MECOM: variants seen among roughly 807,000 people sequenced by gnomAD.
The protein encoded by MECOM is MDS1 and EVI1 complex locus, also known as histone-lysine N-methyltransferase MECOM.
MECOM carries 13 observed loss-of-function variants against 116.3 expected under a neutral mutation model. That is an observed-to-expected ratio of 0.11 (90% CI 0.07 to 0.18). MECOM has a LOEUF of 0.18. MECOM is among the 10% of genes least tolerant of loss of function. The pLI, the probability that MECOM is intolerant of heterozygous loss-of-function variation, is 1.00. For synonymous variants in MECOM, 528 were observed against 535.2 expected, an observed-to-expected ratio of 0.99 and a Z score of 0.19; for missense variants, 1,299 against 1,509.0, an observed-to-expected ratio of 0.86 and a Z score of 2.31.
intron 2 of MECOM, among the ~76,000 whole-genome samples, chr3:169,312,995 T>C (rs1719089775): frequency 6.6e-6 from 1 of 152,206 alleles, no homozygotes; most frequent in Non-Finnish European, 1.5e-5. Flanking sequence ...ACTGAGCATC[T>C]GGGTGCTCCA....
At chr3:169,291,900 AG>A (rs554707201) in intron 2 of MECOM, among the ~76,000 whole-genome samples, 26 of 152,318 alleles carry the variant, frequency 1.7e-4, no homozygotes, top group African/African-American at 5.1e-4. Context: ...ATAATACCAC[AG>A]GGAGCTGCAT....
At chr3:169,404,121 T>C (rs897211548) in intron 1 of MECOM, among the ~76,000 whole-genome samples, 2 of 152,188 alleles carry the variant, frequency 1.3e-5, no homozygotes, top group Admixed American at 6.5e-5. Context: ...GATAAATGCT[T>C]TTCTATAGAA....
At chr3:169,159,372 A>G (rs956084618) in intron 2 of MECOM, among the ~76,000 whole-genome samples, 3 of 152,124 alleles carry the variant, frequency 2.0e-5, no homozygotes, top group African/African-American at 7.2e-5. Flanking sequence ...AGCCTGACCA[A>G]CATAGTGAAA....
chr3:169,476,432 T>C (rs979630634), intron 1 of MECOM, among the ~76,000 whole-genome samples: 9 of 152,166 alleles, frequency 5.9e-5, no homozygotes, highest in African/African-American at 1.9e-4. Context: ...CAGAGTACAG[T>C]GTAAAGTCAT....
intron 1 of MECOM, among the ~76,000 whole-genome samples, chr3:169,614,387 C>A (rs1227906999): frequency 6.6e-6 from 1 of 152,002 alleles, no homozygotes; most frequent in Non-Finnish European, 1.5e-5. Context: ...ATATACACCA[C>A]TGGATTAATT....
chr3:169,467,551 T>G (rs564330863), intron 1 of MECOM, among the ~76,000 whole-genome samples: 45 of 152,268 alleles, frequency 3.0e-4, no homozygotes, highest in African/African-American at 9.1e-4. Flanking sequence ...AAGTGTGTTT[T>G]TATATACCCT....
At chr3:169,598,688 T>C (rs1249605725) in intron 1 of MECOM, among the ~76,000 whole-genome samples, 1 of 152,238 alleles carries the variant, frequency 6.6e-6, no homozygotes, top group Non-Finnish European at 1.5e-5. Context: ...TGTAGTATAG[T>C]GAGCAATTTG....
intron 2 of MECOM, among the ~76,000 whole-genome samples, chr3:169,329,197 T>A (rs1207114384): frequency 1.3e-5 from 2 of 152,224 alleles, no homozygotes; most frequent in Non-Finnish European, 2.9e-5. Flanking sequence ...GAGATTCATC[T>A]TATTACACTT....
chr3:169,140,053 A>ATGAAACCTC (rs1437341592), intron 3 of MECOM, among the ~76,000 whole-genome samples: 3 of 79,970 alleles, frequency 3.8e-5, no homozygotes. Context: ...CCTCTGAATA[A>ATGAAACCTC]TGAAAAAAAA....
intron 2 of MECOM, among the ~76,000 whole-genome samples, chr3:169,263,575 A>C (rs1169167810): frequency 3.3e-5 from 5 of 151,976 alleles, no homozygotes; most frequent in African/African-American, 9.7e-5. Flanking sequence ...TATTTTACTT[A>C]TGAATAGGAT....
chr3:169,439,229 A>C (rs1416433310), intron 1 of MECOM, among the ~76,000 whole-genome samples: 1 of 147,634 alleles, frequency 6.8e-6, no homozygotes, highest in Non-Finnish European at 1.5e-5. Context: ...TTAAAATAAG[A>C]CCTTCTGTTC....
chr3:169,438,544 T>C (rs1002620890), intron 1 of MECOM, among the ~76,000 whole-genome samples: 2 of 152,194 alleles, frequency 1.3e-5, no homozygotes, highest in African/African-American at 4.8e-5. Context: ...CCGATTCCCA[T>C]CAGTCATTTG....
intron 2 of MECOM, among the ~76,000 whole-genome samples, chr3:169,261,649 C>T (rs974047663): frequency 6.6e-6 from 1 of 151,908 alleles, no homozygotes; most frequent in South Asian, 2.1e-4. Flanking sequence ...TGCAGTGAGC[C>T]GATATCGTGC....
chr3:169,298,457 T>C (rs1165177445), intron 2 of MECOM, among the ~76,000 whole-genome samples: 2 of 151,786 alleles, frequency 1.3e-5, no homozygotes, highest in East Asian at 1.9e-4. Context: ...ATATAAACCA[T>C]ATTTTGACAT....
chr3:169,278,046 T>A (rs1483154577), intron 2 of MECOM, among the ~76,000 whole-genome samples: 2 of 152,224 alleles, frequency 1.3e-5, no homozygotes, highest in Non-Finnish European at 2.9e-5. Flanking sequence ...TCAAGCACAA[T>A]TCCTGAAACA....
chr3:169,209,524 C>A lies in MECOM; in HGVS notation c.376-65692G>T, dbSNP rs1361877303. 4.6e-5 allele frequency among the ~76,000 whole-genome samples: 7 copies of A among 152,016 alleles called. No individual in the cohort carries two copies. In the East Asian group the frequency reaches 1.4e-3, roughly 29 times the overall value. On this transcript the variant is annotated intron_variant, in intron 2 of 16. Coordinates refer to ENST00000651503, the MANE Select transcript of MECOM (RefSeq NM_004991.4). ...AAATTTACGAGAAAAAAACAAACAA[C>A]CCCATCAAACAGTGGGCAAAGGATA...
In MECOM at chr3:169,146,750, C is replaced by G. The variant is rs73167970; in HGVS notation, c.376-2918G>C. ...TTAGATTTCTATGGCCTCAACTCAG[C>G]AATAATAGGCATTCACAGAAGAATC... On this transcript the variant is annotated intron_variant, in intron 2 of 16. Coordinates refer to ENST00000651503, the MANE Select transcript of MECOM (RefSeq NM_004991.4). 3.6e-3 allele frequency: 4,323 copies of G among 1,187,430 alleles called. 11 individuals are homozygous for G. The highest frequency in any genetic ancestry group is 4.3e-3 in the Non-Finnish European group (4,083 of 941,600). The allele number at this position is 1,187,430 out of a possible 1,614,324, so 73.6% of individuals were successfully genotyped here. A position where few individuals can be genotyped will look rare whatever the true frequency, so the allele number is the denominator to read the frequency against.
At chr3:169,208,407 T>C (rs921723776) in intron 2 of MECOM, among the ~76,000 whole-genome samples, 5 of 151,274 alleles carry the variant, frequency 3.3e-5, no homozygotes, top group African/African-American at 7.3e-5. Context: ...ACTCCAGTTA[T>C]CTGTCTATAA....
chr3:169,091,117 G>A (rs1719569262), intron 14 of MECOM, among the ~76,000 whole-genome samples: 2 of 151,918 alleles, frequency 1.3e-5, no homozygotes, highest in African/African-American at 4.8e-5. Context: ...AACATCTTTT[G>A]CACAGACATA....
Sources: allele counts gnomAD v4.1 joint callset (sites outside exome capture counted in the v4.1 genomes callset), GRCh38; gene constraint gnomAD v4.1.1; transcripts MANE v1.5; gene names NCBI Gene and HGNC (gene_info 2026-07-23, HGNC 2026-07-21).